Variants in FGF12 observed in about 807,000 individuals in gnomAD.
FGF12 encodes the protein fibroblast growth factor 12, also known as fibroblast growth factor 12B.
FGF12 carries 14 observed loss-of-function variants against 23.6 expected under a neutral mutation model. That is an observed-to-expected ratio of 0.59 (90% CI 0.39 to 0.93). The LOEUF is 0.93. FGF12 is among the 40% of genes least tolerant of loss of function. The probability of loss-of-function intolerance (pLI) is 0.00; values close to 1 mark genes in which losing one functional copy is unlikely to be tolerated. For missense variants in FGF12, 175 were observed against 217.8 expected, an observed-to-expected ratio of 0.80 and a Z score of 1.24; for synonymous variants, 62 against 77.3, an observed-to-expected ratio of 0.80 and a Z score of 1.04.
chr3:192,430,436 T>G (rs190738921), intron 2 of FGF12, among the ~76,000 whole-genome samples: 1 of 152,176 alleles, frequency 6.6e-6, no homozygotes, highest in Non-Finnish European at 1.5e-5. Flanking sequence ...TGGAGATCCA[T>G]TGCACAGCGG....
At chr3:192,506,977 C>T (rs530718541) in intron 2 of FGF12, among the ~76,000 whole-genome samples, 5 of 148,310 alleles carry the variant, frequency 3.4e-5, no homozygotes, top group South Asian at 2.2e-4. Context: ...CTGAAAGCTC[C>T]GCCTCCTGGG....
At chr3:192,214,435 C>G (rs973340403) in intron 4 of FGF12, among the ~76,000 whole-genome samples, 1 of 152,066 alleles carries the variant, frequency 6.6e-6, no homozygotes, top group Non-Finnish European at 1.5e-5. Context: ...GGTAATGGTA[C>G]TGTCAAATAT....
intron 2 of FGF12, among the ~76,000 whole-genome samples, chr3:192,621,443 G>A (rs1027840521): frequency 3.9e-5 from 6 of 152,236 alleles, no homozygotes; most frequent in African/African-American, 1.4e-4. Context: ...GAGCCATTTG[G>A]AATTGAAGTT....
At chr3:192,695,028 C>A (rs528197247) in intron 2 of FGF12, among the ~76,000 whole-genome samples, 141 of 147,006 alleles carry the variant, frequency 9.6e-4, no homozygotes, top group South Asian at 7.5e-3. Context: ...GTGTTCTTAA[C>A]AAAAAAAAAG....
At chr3:192,284,293 C>T (rs1714320244) in intron 4 of FGF12, among the ~76,000 whole-genome samples, 2 of 152,120 alleles carry the variant, frequency 1.3e-5, no homozygotes, top group Non-Finnish European at 2.9e-5. Flanking sequence ...GATCACAGGG[C>T]ACCCTGCCCA....
intron 2 of FGF12, among the ~76,000 whole-genome samples, chr3:192,450,309 C>T (rs1013610173): frequency 6.6e-6 from 1 of 152,184 alleles, no homozygotes; most frequent in Non-Finnish European, 1.5e-5. Context: ...TCATATCATA[C>T]TATGTACCAA....
chr3:192,148,150 T>TATC (rs1185322591), intron 5 of FGF12, among the ~76,000 whole-genome samples: 1 of 152,198 alleles, frequency 6.6e-6, no homozygotes, highest in Non-Finnish European at 1.5e-5. Context: ...CCCCAGCATC[T>TATC]ATCTGTACAT....
At chr3:192,201,581 G>A (rs1202192958) in intron 4 of FGF12, among the ~76,000 whole-genome samples, 1 of 152,136 alleles carries the variant, frequency 6.6e-6, no homozygotes, top group Non-Finnish European at 1.5e-5. Context: ...GTAACCCGCA[G>A]AGCTTGAATA....
intron 2 of FGF12, among the ~76,000 whole-genome samples, chr3:192,474,722 C>T (rs1723268825): frequency 6.6e-6 from 1 of 151,998 alleles, no homozygotes; most frequent in South Asian, 2.1e-4. Flanking sequence ...CCTGTCTCTA[C>T]TAAAAACACA....
chr3:192,567,737 CTTTCTTT>C lies in FGF12; in HGVS notation c.13+159437_13+159443del, dbSNP rs1472501625. ...TTTACATGGTCTTCTCCATGTGTCT[CTTTCTTT>C]CTTTCTTTCTTTCTTTCTTTCTTTC... On this transcript the variant is annotated intron_variant, in intron 2 of 5. Coordinates refer to ENST00000445105, the MANE Select transcript of FGF12 (RefSeq NM_004113.6). Among the ~76,000 whole-genome samples the C allele has an allele frequency of 2.2e-4, 10 of 45,150 alleles. No individual in the cohort carries two copies. In the East Asian group the frequency reaches 6.1e-3, roughly 28 times the overall value. The allele number at this position is 45,150 out of a possible 152,430, so 29.6% of individuals were successfully genotyped here.
chr3:192,689,091 A>G (rs1389544299), intron 2 of FGF12, among the ~76,000 whole-genome samples: 1 of 152,126 alleles, frequency 6.6e-6, no homozygotes, highest in Non-Finnish European at 1.5e-5. Flanking sequence ...GGGTATATGG[A>G]TGTTGGCGAT....
chr3:192,267,029 T>C (rs1713120235), intron 4 of FGF12: 1 of 152,188 alleles, frequency 6.6e-6, no homozygotes, highest in Non-Finnish European at 1.5e-5. Flanking sequence ...GAATCAGATG[T>C]TTCATGCTAA....
chr3:192,430,727 T>C (rs1045759343), intron 2 of FGF12, among the ~76,000 whole-genome samples: 5 of 151,674 alleles, frequency 3.3e-5, no homozygotes, highest in Non-Finnish European at 4.4e-5. Context: ...GGCCCTAGGG[T>C]GAAAGGGGGA....
At chr3:192,246,233 G>C (rs1393605062) in intron 4 of FGF12, among the ~76,000 whole-genome samples, 1 of 152,036 alleles carries the variant, frequency 6.6e-6, no homozygotes, top group African/African-American at 2.4e-5. Context: ...TTTAGTATGA[G>C]TTTATAAAAA....
intron 2 of FGF12, among the ~76,000 whole-genome samples, chr3:192,687,064 C>T (rs181476055): frequency 2.2e-3 from 325 of 150,762 alleles, no homozygotes; most frequent in African/African-American, 6.7e-3. Flanking sequence ...CTCCTGACCT[C>T]GTGATCTGCC....
rs953659320 is a variant in FGF12, at chr3:192,504,231, A to G, written c.14-143693T>C. Among the ~76,000 whole-genome samples the G allele has an allele frequency of 2.0e-5, 3 of 152,268 alleles. No homozygotes were observed. The East Asian group carries it at 5.8e-4, about 29-fold the overall frequency. ...GAGGGTGAAGACCAGAAAACTTTCT[A>G]TTGGGTACTATGCTTAGTACCTGCG... On this transcript the variant is annotated intron_variant, in intron 2 of 5. Coordinates refer to ENST00000445105, the MANE Select transcript of FGF12 (RefSeq NM_004113.6).
intron 2 of FGF12, among the ~76,000 whole-genome samples, chr3:192,716,345 G>T (rs181665822): frequency 6.6e-6 from 1 of 152,256 alleles, no homozygotes; most frequent in East Asian, 1.9e-4. Flanking sequence ...AAATAGTCAG[G>T]TTCTTTCTTC....
At chr3:192,171,296 C>T (rs1577200501) in intron 4 of FGF12, among the ~76,000 whole-genome samples, 1 of 151,960 alleles carries the variant, frequency 6.6e-6, no homozygotes, top group South Asian at 2.1e-4. Context: ...TACTATTGAC[C>T]TCAGTGAAAC....
chr3:192,394,745 T>C (rs1050879404), intron 2 of FGF12, among the ~76,000 whole-genome samples: 21 of 152,084 alleles, frequency 1.4e-4, no homozygotes, highest in Admixed American at 3.3e-4. Flanking sequence ...TTTAAAAAGG[T>C]TGGGTTTCAA....
Sources: allele counts gnomAD v4.1 joint callset (sites outside exome capture counted in the v4.1 genomes callset), GRCh38; gene constraint gnomAD v4.1.1; transcripts MANE v1.5; gene names NCBI Gene and HGNC (gene_info 2026-07-23, HGNC 2026-07-21).